Variants in LMBRD1 observed in about 807,000 individuals in gnomAD.
The protein encoded by LMBRD1 is LMBR1 domain containing 1.
LMBRD1 carries 64 observed loss-of-function variants against 74.8 expected under a neutral mutation model. The observed-to-expected ratio is 0.86, with a 90% confidence interval of 0.70 to 1.05. LMBRD1 has a LOEUF of 1.05. Ranked by LOEUF, LMBRD1 falls within the 50% of genes least tolerant of loss-of-function variation. The pLI, the probability that LMBRD1 is intolerant of heterozygous loss-of-function variation, is 0.00. For synonymous variants in LMBRD1, 204 were observed against 216.3 expected (o/e 0.94, Z 0.50); for missense variants, 652 against 645.9 (o/e 1.01, Z -0.10).
intron 5 of LMBRD1, among the ~76,000 whole-genome samples, chr6:69,742,228 C>T (rs80350352): frequency 0.018 from 2,796 of 152,098 alleles, 68 homozygotes; most frequent in African/African-American, 0.063. Flanking sequence ...AGGTTAAGGA[C>T]ATCTGTATTA....
chr6:69,699,295 C>T (rs1255911234), intron 12 of LMBRD1, 103 bp from the exon 13 acceptor site: 1 of 1,016,450 alleles, frequency 9.8e-7, no homozygotes, highest in African/African-American at 1.6e-5. Flanking sequence ...TTCAATCAAC[C>T]ATTATTTTTC....
chr6:69,709,849 T>G (rs1028096118), intron 9 of LMBRD1, among the ~76,000 whole-genome samples: 1 of 152,170 alleles, frequency 6.6e-6, no homozygotes, highest in Non-Finnish European at 1.5e-5. Flanking sequence ...TTTTAAGACC[T>G]CTACTTTGAA....
chr6:69,734,333 C>T (rs1023931373), intron 7 of LMBRD1, among the ~76,000 whole-genome samples: 1 of 152,110 alleles, frequency 6.6e-6, no homozygotes, highest in African/African-American at 2.4e-5. Context: ...TAAATCATCA[C>T]ATAACGTCAT....
chr6:69,731,554 A>G (rs1161787206), intron 7 of LMBRD1, among the ~76,000 whole-genome samples: 2 of 152,138 alleles, frequency 1.3e-5, no homozygotes, highest in East Asian at 1.9e-4. Context: ...CTTTCAGTAC[A>G]GTAGTCAATA....
At chr6:69,772,997 TC>T (rs1765607242) in intron 3 of LMBRD1, among the ~76,000 whole-genome samples, 1 of 152,190 alleles carries the variant, frequency 6.6e-6, no homozygotes, top group Non-Finnish European at 1.5e-5. Context: ...TACTACTTTA[TC>T]ACCATTTCAC....
At chr6:69,744,785 T>C (rs532562629) in intron 5 of LMBRD1, among the ~76,000 whole-genome samples, 1 of 152,266 alleles carries the variant, frequency 6.6e-6, no homozygotes, top group African/African-American at 2.4e-5. Context: ...ACTATTTACA[T>C]ACCACTTCTC....
intron 6 of LMBRD1, 42 bp from the exon 7 acceptor site, chr6:69,738,057 A>C (rs1767013963): frequency 7.3e-7 from 1 of 1,364,988 alleles, no homozygotes; most frequent in East Asian, 2.4e-5. Context: ...CATATATACT[A>C]CTCAAATCCT....
chr6:69,685,988 A>G lies in LMBRD1; in HGVS notation c.1418-9447T>C, dbSNP rs116924044. 4.7e-3 allele frequency among the ~76,000 whole-genome samples: 719 copies of G among 152,290 alleles called. 5 individuals carry two copies. The highest frequency in any genetic ancestry group is 8.2e-3 in the Non-Finnish European group (561 of 68,008). ...AAGGGGATGTAAGGGTCATTATGGC[A>G]AACAAAACAAAATAAAACAAGACAA... On this transcript the variant is annotated intron_variant, in intron 14 of 15. Transcript: ENST00000649934.
At position 69,676,519 on chromosome 6, in the gene LMBRD1, T is replaced by C. The variant is rs1436866293; in HGVS notation, c.1440A>G (p.Thr480=). 4 of 1,613,248 alleles carry C rather than the reference T, an allele frequency of 2.5e-6. No homozygotes were observed. Among genetic ancestry groups the C allele is most frequent in the Non-Finnish European group, 8.5e-7 (1 of 1,179,398 alleles). ...ACCAGAACTTGTGAAGGAATAGGTA[T>C]GTCCGGGTAACAGTACACTGATCTG... ...APEDQCTVTR[T]YLFLHKFWFF... The change falls in exon 15 of 16, where the codon ACA becomes ACG. Residue 480 remains threonine (T), a synonymous_variant. Transcript: ENST00000649934.
At chr6:69,758,848 T>C (rs1765318812) in intron 3 of LMBRD1, among the ~76,000 whole-genome samples, 1 of 152,130 alleles carries the variant, frequency 6.6e-6, no homozygotes, top group South Asian at 2.1e-4. Flanking sequence ...CTTTTGCCAC[T>C]GAACATGATA....
At chr6:69,723,858 AGAT>A (rs747943445) in intron 7 of LMBRD1, among the ~76,000 whole-genome samples, 9 of 151,994 alleles carry the variant, frequency 5.9e-5, no homozygotes, top group Non-Finnish European at 1.3e-4. Context: ...ACAATAAAAA[AGAT>A]AGATGAAACA....
chr6:69,693,292 C>T (rs772493330), intron 14 of LMBRD1, among the ~76,000 whole-genome samples: 1 of 151,978 alleles, frequency 6.6e-6, no homozygotes, highest in Non-Finnish European at 1.5e-5. Flanking sequence ...ACACAAAGTA[C>T]TTAAATTATT....
intron 14 of LMBRD1, among the ~76,000 whole-genome samples, chr6:69,683,343 C>T (rs937519341): frequency 2.0e-5 from 3 of 151,982 alleles, no homozygotes. Flanking sequence ...CATGCAAATT[C>T]TTTCTCTCTG....
intron 7 of LMBRD1, among the ~76,000 whole-genome samples, chr6:69,720,825 T>C (rs1273915726): frequency 2.6e-5 from 4 of 152,166 alleles, no homozygotes; most frequent in Admixed American, 6.5e-5. Context: ...AAAAGAGGCA[T>C]TGAGGAGGTC....
chr6:69,711,156 G>A (rs1270624932), intron 9 of LMBRD1, among the ~76,000 whole-genome samples: 1 of 152,084 alleles, frequency 6.6e-6, no homozygotes, highest in African/African-American at 2.4e-5. Flanking sequence ...CAAAAAAATA[G>A]TATTAAATAA....
chr6:69,795,184 T>C (rs1378818077), intron 1 of LMBRD1, among the ~76,000 whole-genome samples: 1 of 152,208 alleles, frequency 6.6e-6, no homozygotes, highest in East Asian at 1.9e-4. Context: ...TTTGCAGAAA[T>C]TTAAACAAAA....
chr6:69,694,231 T>G (rs1222715255), intron 14 of LMBRD1, among the ~76,000 whole-genome samples: 1 of 152,154 alleles, frequency 6.6e-6, no homozygotes, highest in Non-Finnish European at 1.5e-5. Context: ...ATTTTGAAAC[T>G]ACAATTTGTT....
At position 69,697,583 on chromosome 6, in the gene LMBRD1, C is replaced by T. The variant is rs1352878036; in HGVS notation, c.1397G>A (p.Cys466Tyr). ...GNSTLSVPKR[C>Y]DADAPEDQCT... is the part of the protein sequence containing the mutation. ...TTTACCTTCAGGAGCATCTGCATCA[C>T]ATCTCTTTGGCACAGAAAGGGTTGA... is the stretch of plus-strand genomic sequence containing the variant. Residue 466 changes from cysteine (C) to tyrosine (Y), a missense_variant, in exon 14 of 16, where the codon TGT (cysteine) becomes TAT (tyrosine). Coordinates refer to ENST00000649934, the MANE Select transcript of LMBRD1 (RefSeq NM_018368.4). 2.2e-5 allele frequency: 36 copies of T among 1,606,588 alleles called. No individual in the cohort carries two copies. The highest frequency in any genetic ancestry group is 2.9e-5 in the Non-Finnish European group (34 of 1,174,020).
intron 14 of LMBRD1, among the ~76,000 whole-genome samples, chr6:69,679,059 AAAAC>A (rs1021094145): frequency 4.6e-5 from 6 of 131,426 alleles, no homozygotes; most frequent in African/African-American, 1.5e-4. Context: ...AAAAAAAACA[AAAAC>A]AAACAAACAA....
Sources: gnomAD v4.1 joint callset for allele counts (sites outside exome capture counted in the v4.1 genomes callset) on GRCh38, gnomAD v4.1.1 for gene constraint, MANE v1.5 for transcripts, NCBI Gene and HGNC (gene_info 2026-07-23, HGNC 2026-07-21) for gene names.